Variants in EHMT1 observed in about 807,000 individuals in gnomAD.
EHMT1 encodes histone-lysine N-methyltransferase EHMT1.
A neutral mutation model predicts 147.2 loss-of-function variants in EHMT1; 15 were observed. The ratio of observed to expected loss-of-function variants is 0.10; its 90% CI spans 0.07 to 0.16. The LOEUF (loss-of-function observed/expected upper bound fraction) is 0.16. EHMT1 is among the 10% of genes least tolerant of loss of function. The pLI is 1.00. For missense variants in EHMT1, 1,587 were observed against 1,772.4 expected, an observed-to-expected ratio of 0.90 and a Z score of 1.88; for synonymous variants, 795 against 709.6, an observed-to-expected ratio of 1.12 and a Z score of -1.91.
intron 10 of EHMT1, chr9:137,763,515 G>A (rs533488033): frequency 6.4e-6 from 1 of 156,404 alleles, no homozygotes; most frequent in East Asian, 1.9e-4. Context: ...CATTTGCTGT[G>A]GCCGAAGTCA....
Position 137,776,036 on chromosome 9 carries a change from C to G in EHMT1, c.1792-582C>G, listed in dbSNP as rs1950932627. On this transcript the variant is annotated intron_variant, in intron 11 of 26. Transcript: ENST00000460843. This position sits in a 1 kb window ranked among gnomAD's most constrained non-coding sequence, Gnocchi z 4.4. ...CCCCTTTACGAACATGGGCCAAGAGCTTCCACTTTTGGGAGACTTTCTTTG... is the reference window on the plus strand; with the variant it reads ...CCCCTTTACGAACATGGGCCAAGAGGTTCCACTTTTGGGAGACTTTCTTTG... Among the ~76,000 whole-genome samples the G allele has an allele frequency of 6.6e-6, 1 of 152,182 alleles. No homozygotes were observed. Among genetic ancestry groups the G allele is most frequent in the African/African-American group, 2.4e-5 (1 of 41,440 alleles).
At chr9:137,681,941 G>A (rs1376001319) in intron 1 of EHMT1, among the ~76,000 whole-genome samples, 1 of 151,888 alleles carries the variant, frequency 6.6e-6, no homozygotes, top group Non-Finnish European at 1.5e-5. Context: ...CGCGGTTTTT[G>A]TGTTTTTTTG....
At chr9:137,631,013 T>C (rs933760464) in intron 1 of EHMT1, among the ~76,000 whole-genome samples, 11 of 152,126 alleles carry the variant, frequency 7.2e-5, no homozygotes, top group Non-Finnish European at 5.9e-5. Context: ...AGGCTTGGCT[T>C]GAGTGGTATG....
chr9:137,740,409 T>C (rs1199816148), intron 4 of EHMT1, among the ~76,000 whole-genome samples: 1 of 151,932 alleles, frequency 6.6e-6, no homozygotes, highest in Non-Finnish European at 1.5e-5. Context: ...AGGCCTGGAC[T>C]GCAAATCCTC....
At chr9:137,770,519 G>A (rs1950523059) in intron 10 of EHMT1, among the ~76,000 whole-genome samples, 1 of 152,150 alleles carries the variant, frequency 6.6e-6, no homozygotes, top group Non-Finnish European at 1.5e-5. Flanking sequence ...TTGATGTGTT[G>A]GGCCAAGTAA....
intron 1 of EHMT1, among the ~76,000 whole-genome samples, chr9:137,689,465 G>A (rs1942749038): frequency 6.6e-6 from 1 of 152,166 alleles, no homozygotes; most frequent in African/African-American, 2.4e-5. Flanking sequence ...AGCACTTTGG[G>A]AGGCGGAGGT....
chr9:137,645,887 T>C (rs1844847945), intron 1 of EHMT1, among the ~76,000 whole-genome samples: 1 of 152,176 alleles, frequency 6.6e-6, no homozygotes, highest in Non-Finnish European at 1.5e-5. Flanking sequence ...AATTATTTTA[T>C]ATTGGTTACA....
intron 22 of EHMT1, 78 bp downstream of exon 22, chr9:137,814,586 G>C: frequency 6.6e-7 from 1 of 1,512,544 alleles, no homozygotes; most frequent in Non-Finnish European, 9.1e-7. Context: ...GCAGGCGTCT[G>C]TGACCCCAGC....
chr9:137,730,787 C>T (rs979878803), intron 4 of EHMT1, among the ~76,000 whole-genome samples: 17 of 152,252 alleles, frequency 1.1e-4, no homozygotes, highest in African/African-American at 4.1e-4. Flanking sequence ...GGTCTGCTTA[C>T]CTTGCCTTGT....
At chr9:137,814,954 G>T in intron 22 of EHMT1, 1 of 293,452 alleles carries the variant, frequency 3.4e-6, no homozygotes. Flanking sequence ...TCTGTTGGGT[G>T]CTGGTCCTCG....
chr9:137,780,230 A>G (rs1951293902), intron 14 of EHMT1, among the ~76,000 whole-genome samples: 1 of 122,172 alleles, frequency 8.2e-6, no homozygotes, highest in South Asian at 2.9e-4. Flanking sequence ...CTGAGATGTG[A>G]TGACGCTGGG....
chr9:137,795,401 GCACACACACACACA>G (rs554055210), intron 16 of EHMT1, among the ~76,000 whole-genome samples: 13 of 130,178 alleles, frequency 1.0e-4, no homozygotes, highest in Non-Finnish European at 1.5e-4. Context: ...ATCGCAGGGT[GCACACACACACACA>G]CACACACACA....
intron 18 of EHMT1, 112 bp from the exon 19 acceptor site, chr9:137,811,349 C>G (rs979274724): frequency 6.7e-7 from 1 of 1,493,250 alleles, no homozygotes; most frequent in African/African-American, 1.4e-5. Context: ...CGGACGGCCA[C>G]GCATGCTCCA....
At chr9:137,670,365 C>T (rs370393692) in intron 1 of EHMT1, among the ~76,000 whole-genome samples, 3 of 152,252 alleles carry the variant, frequency 2.0e-5, no homozygotes, top group East Asian at 1.9e-4. Flanking sequence ...GGTAGCCTTC[C>T]TCCCTTGGCT....
At chr9:137,817,304 C>T in intron 23 of EHMT1, 135 bp from the exon 24 acceptor site, 1 of 961,968 alleles carries the variant, frequency 1.0e-6, no homozygotes, top group Non-Finnish European at 1.6e-6. Context: ...GAGGTGCCTG[C>T]AGCATCGAAC....
At chr9:137,729,880 C>G (rs543473402) in intron 4 of EHMT1, among the ~76,000 whole-genome samples, 1 of 152,202 alleles carries the variant, frequency 6.6e-6, no homozygotes, top group Non-Finnish European at 1.5e-5. Context: ...ACCGCGACGC[C>G]GCTCTCTAAT....
rs1944682803 is a variant in EHMT1 at position 137,711,177 on chromosome 9, T to A, written c.85+147T>A. On this transcript the variant is annotated intron_variant, in intron 2 of 26. Transcript: ENST00000460843. ...TATAGTTTCTAATCTATCCCATTCCTAAATAGCACAGTTGCACAGACAAAC... is the reference window on the plus strand; with the variant it reads ...TATAGTTTCTAATCTATCCCATTCCAAAATAGCACAGTTGCACAGACAAAC... 5 of 776,122 alleles carry A rather than the reference T, an allele frequency of 6.4e-6. No homozygotes were observed. In the East Asian group the frequency reaches 1.4e-4, roughly 22 times the overall value. 48.1% of individuals were successfully genotyped at this position (776,122 alleles called of 1,614,324 possible).
chr9:137,793,021 G>A (rs189018613), intron 16 of EHMT1, among the ~76,000 whole-genome samples: 1 of 152,292 alleles, frequency 6.6e-6, no homozygotes, highest in Non-Finnish European at 1.5e-5. Context: ...CGGCAAAGCA[G>A]CTCCCTCAGT....
In EHMT1 at chr9:137,797,071, C is replaced by T; in HGVS notation, c.2506-1742C>T. On this transcript the variant is annotated intron_variant, in intron 16 of 26. Transcript: ENST00000460843. Reference sequence around the variant, plus strand: ...TATATGTAGTAAAGGTATTGAGATCCGTGGGAATGATGAGTAACGAATTCA... The same window carrying T: ...TATATGTAGTAAAGGTATTGAGATCTGTGGGAATGATGAGTAACGAATTCA... 1.3e-5 allele frequency among the ~76,000 whole-genome samples: 2 copies of T among 151,724 alleles called. 1 individual carries two copies. Among genetic ancestry groups the T allele is most frequent in the South Asian group, 4.2e-4 (2 of 4,774 alleles).
Sources: allele counts gnomAD v4.1 joint callset (sites outside exome capture counted in the v4.1 genomes callset), GRCh38; gene constraint gnomAD v4.1.1; non-coding constraint Gnocchi (gnomAD v3.1); transcripts MANE v1.5; gene names NCBI Gene and HGNC (gene_info 2026-07-23, HGNC 2026-07-21).